The following CAMK4 variants were observed in gnomAD, a reference collection of about 807,000 sequenced individuals.
CAMK4 encodes calcium/calmodulin dependent protein kinase IV.
CAMK4 carries 22 observed loss-of-function variants against 44.9 expected under a neutral mutation model. That is an observed-to-expected ratio of 0.49 (90% CI 0.35 to 0.70). CAMK4 has a LOEUF of 0.70. CAMK4 is among the 30% of genes least tolerant of loss of function. The pLI is 0.01. For synonymous variants in CAMK4, 218 were observed against 215.4 expected (o/e 1.01, Z -0.11); for missense variants, 498 against 586.8 (o/e 0.85, Z 1.56).
rs1755920271 is a variant in CAMK4 at position 111,493,182 on chromosome 5, T to G, written c.*8716T>G. 6.6e-6 allele frequency: 1 copy of G among 152,164 alleles called. No individual in the cohort carries two copies. The highest frequency in any genetic ancestry group is 1.5e-5 in the Non-Finnish European group (1 of 68,030). The allele number at this position is 152,164 out of a possible 1,614,324, so 9.4% of individuals were successfully genotyped here. On this transcript the variant is annotated 3_prime_UTR_variant, in exon 11 of 11. Coordinates refer to ENST00000282356, the MANE Select transcript of CAMK4 (RefSeq NM_001744.6). The surrounding 1 kb of genome is among the most constrained non-coding windows in gnomAD (Gnocchi z 4.1). Reference sequence around the variant, plus strand: ...CTCTGGGTAGGTCCATGTGCAGCCTTTCCTCAGAGCATCTAGCCTGACATA... The same window carrying G: ...CTCTGGGTAGGTCCATGTGCAGCCTGTCCTCAGAGCATCTAGCCTGACATA...
intron 7 of CAMK4, among the ~76,000 whole-genome samples, chr5:111,457,700 A>T (rs1754467831): frequency 6.6e-6 from 1 of 152,244 alleles, no homozygotes; most frequent in Admixed American, 6.5e-5. Context: ...AGGAAAATTT[A>T]AATAAAAGAA....
At position 111,362,360 on chromosome 5, in the gene CAMK4, T is replaced by A. The variant is rs375439424; in HGVS notation, c.241-12490T>A. ...GTCTAACATTAGGGCTAGGCATTGATGACATTGGGCCTTAGGAAGGTGTTT... is the reference window on the plus strand; with the variant it reads ...GTCTAACATTAGGGCTAGGCATTGAAGACATTGGGCCTTAGGAAGGTGTTT... On this transcript the variant is annotated intron_variant, in intron 2 of 10. Coordinates refer to ENST00000282356, the MANE Select transcript of CAMK4 (RefSeq NM_001744.6). Among the ~76,000 whole-genome samples, 6 of 152,200 alleles carry A rather than the reference T, an allele frequency of 3.9e-5. No individual in the cohort carries two copies. In the East Asian group the frequency reaches 5.8e-4, roughly 15 times the overall value.
intron 1 of CAMK4, among the ~76,000 whole-genome samples, chr5:111,334,934 A>G (rs1749334588): frequency 6.6e-6 from 1 of 151,454 alleles, no homozygotes; most frequent in African/African-American, 2.4e-5. Flanking sequence ...TTTCATCTCA[A>G]GATACCTCCC....
At chr5:111,460,009 G>T (rs1202544132) in intron 7 of CAMK4, among the ~76,000 whole-genome samples, 3 of 152,048 alleles carry the variant, frequency 2.0e-5, no homozygotes, top group Non-Finnish European at 2.9e-5. Context: ...TATTATATAT[G>T]TGGGGGTGGG....
rs144973840 is a variant in CAMK4 at position 111,374,897 on chromosome 5, C to T, written c.288C>T (p.Leu96=). The change falls in exon 3 of 11, where the codon CTC becomes CTT. Residue 96 remains leucine, a synonymous_variant. Transcript: ENST00000282356. ...CTGAGATAGGAGTTCTTCTTCGCCT[C>T]TCACATCCAAACATTGTAAGTGGTT... ...VRTEIGVLLR[L]SHPNIIKLKE... is the part of the protein sequence containing the mutation. 1.6e-5 allele frequency: 25 copies of T among 1,610,954 alleles called. No homozygotes were observed. Among genetic ancestry groups the T allele is most frequent in the Non-Finnish European group, 2.1e-5 (25 of 1,177,642 alleles).
intron 1 of CAMK4, among the ~76,000 whole-genome samples, chr5:111,226,461 C>G (rs1748197655): frequency 1.3e-5 from 2 of 152,110 alleles, no homozygotes; most frequent in South Asian, 4.1e-4. Flanking sequence ...CCCAATAAGC[C>G]CACTGTAGTT....
chr5:111,478,518 C>T lies in CAMK4; in HGVS notation c.828+11C>T, dbSNP rs751200750. Reference sequence around the variant, plus strand: ...AATGCCAAGGACTTGGTAAGTGTAACCAAAACAAAATGAAACAAAATGAAA... The same window carrying T: ...AATGCCAAGGACTTGGTAAGTGTAATCAAAACAAAATGAAACAAAATGAAA... On this transcript the variant is annotated intron_variant, in intron 9 of 10. Transcript: ENST00000282356. 1.1e-5 allele frequency: 16 copies of T among 1,415,652 alleles called. No individual in the cohort carries two copies. Among genetic ancestry groups the T allele is most frequent in the Non-Finnish European group, 1.5e-5 (16 of 1,044,350 alleles). The allele number at this position is 1,415,652 out of a possible 1,614,324, so 87.7% of individuals were successfully genotyped here.
chr5:111,262,985 C>T (rs1362154766), intron 1 of CAMK4, among the ~76,000 whole-genome samples: 1 of 152,166 alleles, frequency 6.6e-6, no homozygotes, highest in East Asian at 1.9e-4. Context: ...CTTTTGGCAA[C>T]ATATAAAGTG....
At position 111,491,926 on chromosome 5, in the gene CAMK4, G is replaced by A. The variant is rs1051788051; in HGVS notation, c.*7460G>A. On this transcript the variant is annotated 3_prime_UTR_variant, in exon 11 of 11. Coordinates refer to ENST00000282356, the MANE Select transcript of CAMK4 (RefSeq NM_001744.6). ...AATGACTTTCTCAACAATAGCTCAG[G>A]GAATACGCAAACAGCCAGCTCTTTT... 1 of 152,020 alleles carries A rather than the reference G, an allele frequency of 6.6e-6. No homozygotes were observed. The highest frequency in any genetic ancestry group is 1.5e-5 in the Non-Finnish European group (1 of 67,996). The allele number at this position is 152,020 out of a possible 1,614,324, so 9.4% of individuals were successfully genotyped here. A position where few individuals can be genotyped will look rare whatever the true frequency, so the allele number is the denominator to read the frequency against.
chr5:111,238,509 G>T (rs1019013463), intron 1 of CAMK4, among the ~76,000 whole-genome samples: 1 of 151,694 alleles, frequency 6.6e-6, no homozygotes, highest in Non-Finnish European at 1.5e-5. Context: ...ACTGGCACCC[G>T]ATTGCAGACT....
At chr5:111,436,812 G>T (rs1554071706) in intron 5 of CAMK4, among the ~76,000 whole-genome samples, 1 of 152,080 alleles carries the variant, frequency 6.6e-6, no homozygotes, top group Non-Finnish European at 1.5e-5. Context: ...GACACAAAGG[G>T]TACTGAAGAG....
intron 2 of CAMK4, among the ~76,000 whole-genome samples, chr5:111,364,668 A>G (rs964961286): frequency 3.3e-5 from 5 of 151,672 alleles, no homozygotes; most frequent in Admixed American, 1.3e-4. Flanking sequence ...TTTTGCCTAG[A>G]CTCTTATTTC....
intron 2 of CAMK4, among the ~76,000 whole-genome samples, chr5:111,356,953 G>C: frequency 6.6e-6 from 1 of 152,058 alleles, no homozygotes; most frequent in South Asian, 2.1e-4. Context: ...GACAGAGAGA[G>C]AGAGACAGAC....
intron 3 of CAMK4, among the ~76,000 whole-genome samples, chr5:111,376,165 T>G (rs1751204972): frequency 6.6e-6 from 1 of 151,978 alleles, no homozygotes; most frequent in South Asian, 2.1e-4. Context: ...CCATCACCAC[T>G]TTTACATTAT....
intron 1 of CAMK4, among the ~76,000 whole-genome samples, chr5:111,291,290 A>G (rs1191522828): frequency 2.6e-5 from 4 of 152,234 alleles, no homozygotes; most frequent in Non-Finnish European, 5.9e-5. Context: ...GTGATAAAAA[A>G]TACAATAAAT....
chr5:111,419,695 T>G (rs891892178), intron 5 of CAMK4, among the ~76,000 whole-genome samples: 18 of 152,316 alleles, frequency 1.2e-4, no homozygotes, highest in Admixed American at 1.1e-3. Flanking sequence ...ATTTATTAAA[T>G]AGGGAATCCT....
intron 7 of CAMK4, among the ~76,000 whole-genome samples, chr5:111,462,170 C>G (rs1754667498): frequency 6.6e-6 from 1 of 152,156 alleles, no homozygotes; most frequent in South Asian, 2.1e-4. Context: ...ATTCTCTTTT[C>G]CTTCAACCTC....
At chr5:111,320,922 G>C (rs367927325) in intron 1 of CAMK4, among the ~76,000 whole-genome samples, 22 of 152,180 alleles carry the variant, frequency 1.4e-4, no homozygotes, top group Non-Finnish European at 2.6e-4. Flanking sequence ...ATTGGTTTTA[G>C]CTTTTCTCTT....
intron 1 of CAMK4, among the ~76,000 whole-genome samples, chr5:111,326,286 A>G (rs1291372929): frequency 2.0e-5 from 3 of 152,022 alleles, no homozygotes; most frequent in East Asian, 1.9e-4. Flanking sequence ...TATAAACCCT[A>G]TAGATATTGA....
Sources: gnomAD v4.1 joint callset for allele counts (sites outside exome capture counted in the v4.1 genomes callset) on GRCh38, gnomAD v4.1.1 for gene constraint, Gnocchi (gnomAD v3.1) non-coding constraint, MANE v1.5 for transcripts, NCBI Gene and HGNC (gene_info 2026-07-23, HGNC 2026-07-21) for gene names.